The following GABRA3 variants were observed in gnomAD, a reference collection of about 807,000 sequenced individuals.
GABRA3 encodes the protein gamma-aminobutyric acid type A receptor subunit alpha3, also known as gamma-aminobutyric acid receptor subunit alpha-3.
GABRA3 carries 10 observed loss-of-function variants against 30.1 expected under a neutral mutation model. That is an observed-to-expected ratio of 0.33 (90% CI 0.20 to 0.56). The LOEUF is 0.56. GABRA3 is among the 20% of genes least tolerant of loss of function. GABRA3 has a pLI of 0.89. For synonymous variants in GABRA3, 151 were observed against 146.8 expected, an observed-to-expected ratio of 1.03 and a Z score of -0.21; for missense variants, 233 against 392.0, an observed-to-expected ratio of 0.59 and a Z score of 3.42.
intron 2 of GABRA3, among the ~76,000 whole-genome samples, chrX:152,355,369 A>G (rs895406830): frequency 9.0e-6 from 1 of 111,146 alleles, no homozygotes; most frequent in African/African-American, 3.3e-5. Context: ...CCATTGGCCT[A>G]TTGCTTCAAC....
intron 6 of GABRA3, among the ~76,000 whole-genome samples, chrX:152,209,394 A>G (rs1298705285): frequency 9.0e-6 from 1 of 111,405 alleles, no homozygotes; most frequent in African/African-American, 3.3e-5. Flanking sequence ...TACTTGCCCT[A>G]ACTCAGGCAC....
intron 7 of GABRA3, among the ~76,000 whole-genome samples, chrX:152,207,108 C>T (rs770537705): frequency 8.7e-4 from 97 of 111,548 alleles, no homozygotes; most frequent in African/African-American, 3.1e-3. Flanking sequence ...GCACCCTCCC[C>T]TGATTCTGAG....
intron 5 of GABRA3, among the ~76,000 whole-genome samples, chrX:152,241,972 G>A (rs1024387667): frequency 3.6e-5 from 4 of 111,670 alleles, no homozygotes; most frequent in African/African-American, 9.8e-5. Context: ...CTTCTGCGTC[G>A]CTCACGCTGG....
At chrX:152,317,059 C>T (rs1467462584) in intron 3 of GABRA3, among the ~76,000 whole-genome samples, 1 of 111,772 alleles carries the variant, frequency 8.9e-6, no homozygotes, top group Non-Finnish European at 1.9e-5. Context: ...TTAAAAGATA[C>T]AGAATTGAAA....
chrX:152,213,231 C>T (rs182843332), intron 6 of GABRA3, among the ~76,000 whole-genome samples: 2 of 111,732 alleles, frequency 1.8e-5, no homozygotes, highest in Non-Finnish European at 3.8e-5. Flanking sequence ...TTGTCAGAAA[C>T]CACTTGCTTA....
chrX:152,328,367 C>G (rs1016870620), intron 3 of GABRA3, among the ~76,000 whole-genome samples: 1 of 111,465 alleles, frequency 9.0e-6, no homozygotes, highest in Admixed American at 9.5e-5. Context: ...GCATCTTCCT[C>G]ATACCAAAGC....
chrX:152,333,146 T>C (rs1327361198), intron 3 of GABRA3, among the ~76,000 whole-genome samples: 1 of 111,644 alleles, frequency 9.0e-6, no homozygotes, highest in African/African-American at 3.3e-5. Flanking sequence ...CCAAAGCTTT[T>C]AGTGGATACA....
intron 4 of GABRA3, among the ~76,000 whole-genome samples, chrX:152,273,382 T>C (rs1291318621): frequency 2.7e-5 from 3 of 111,792 alleles, no homozygotes; most frequent in East Asian, 2.8e-4. Flanking sequence ...AGTATGGAGA[T>C]TCCTCAAAAT....
At chrX:152,322,844 C>CTTTTT (rs1172827692) in intron 3 of GABRA3, among the ~76,000 whole-genome samples, 4 of 61,261 alleles carry the variant, frequency 6.5e-5, no homozygotes, top group Non-Finnish European at 8.8e-5. Context: ...AAAGTCTACT[C>CTTTTT]TTTTTTTTTT....
intron 1 of GABRA3, among the ~76,000 whole-genome samples, chrX:152,371,223 A>G (rs1928830629): frequency 1.8e-5 from 2 of 111,180 alleles, no homozygotes; most frequent in African/African-American, 3.3e-5. Context: ...TCCCACTCTC[A>G]AGAGATAATA....
intron 1 of GABRA3, among the ~76,000 whole-genome samples, chrX:152,425,109 T>G (rs1930486373): frequency 9.4e-6 from 1 of 106,356 alleles, no homozygotes; most frequent in Non-Finnish European, 1.9e-5. Flanking sequence ...AGCTAAGGTT[T>G]TTTTTTTTGT....
At chrX:152,201,989 C>T (rs1168992277) in intron 7 of GABRA3, among the ~76,000 whole-genome samples, 5 of 112,391 alleles carry the variant, frequency 4.4e-5, no homozygotes, top group African/African-American at 1.6e-4. Flanking sequence ...AAGGATCATA[C>T]ATCCAAACTA....
intron 2 of GABRA3, among the ~76,000 whole-genome samples, chrX:152,348,708 G>A (rs757874587): frequency 2.0e-4 from 22 of 112,017 alleles, no homozygotes; most frequent in African/African-American, 5.8e-4. Flanking sequence ...TTGGTTTCCC[G>A]TGCATGTAAA....
chrX:152,200,112 A>G (rs1240418095), intron 7 of GABRA3, among the ~76,000 whole-genome samples: 1 of 111,964 alleles, frequency 8.9e-6, no homozygotes, highest in East Asian at 2.8e-4. Flanking sequence ...CTTCTGTTCA[A>G]AACTATCCAA....
At position 152,271,918 on chromosome X, in the gene GABRA3, C is replaced by G. The variant is rs186951167; in HGVS notation, c.330+12750G>C. Reference sequence around the variant, plus strand: ...ATGTGATGTTGAGCCTACAGGTGCACAGAAGTCAATAATTGAGGTTTGGGA... The same window carrying G: ...ATGTGATGTTGAGCCTACAGGTGCAGAGAAGTCAATAATTGAGGTTTGGGA... On this transcript the variant is annotated intron_variant, in intron 4 of 9. Coordinates refer to ENST00000370314, the MANE Select transcript of GABRA3 (RefSeq NM_000808.4). Among the ~76,000 whole-genome samples the G allele has an allele frequency of 4.5e-5, 5 of 112,012 alleles. No homozygotes were observed. The East Asian group carries it at 1.4e-3, about 32-fold the overall frequency.
Position 152,198,312 on chromosome X carries a change from G to A in GABRA3, c.779-527C>T, listed in dbSNP as rs761963114. Among the ~76,000 whole-genome samples, 5 of 111,972 alleles carry A rather than the reference G, an allele frequency of 4.5e-5. No homozygotes were observed. The East Asian group carries it at 1.1e-3, about 25-fold the overall frequency. On this transcript the variant is annotated intron_variant, in intron 7 of 9. Coordinates refer to ENST00000370314, the MANE Select transcript of GABRA3 (RefSeq NM_000808.4). The stretch of plus-strand genomic sequence containing the variant: ...TTATGCTTTTTAACCATTATGCTCC[G>A]CTGTTCTAATGTACTTACTTGGTTA...
At chrX:152,381,866 C>A (rs758306018) in intron 1 of GABRA3, among the ~76,000 whole-genome samples, 2 of 111,644 alleles carry the variant, frequency 1.8e-5, no homozygotes, top group South Asian at 7.5e-4. Flanking sequence ...TATGTCCCTG[C>A]AAAGGACATG....
chrX:152,415,313 A>G (rs1044330647), intron 1 of GABRA3, among the ~76,000 whole-genome samples: 6 of 111,321 alleles, frequency 5.4e-5, no homozygotes, highest in Non-Finnish European at 1.1e-4. Context: ...TGTAAACCTA[A>G]AACTACTCTA....
intron 1 of GABRA3, among the ~76,000 whole-genome samples, chrX:152,395,366 G>T (rs1242972618): frequency 9.0e-6 from 1 of 111,586 alleles, no homozygotes; most frequent in East Asian, 2.8e-4. Context: ...CACACAGAAG[G>T]AGATTATGTT....
Sources: allele counts gnomAD v4.1 joint callset (sites outside exome capture counted in the v4.1 genomes callset), GRCh38; gene constraint gnomAD v4.1.1; transcripts MANE v1.5; gene names NCBI Gene and HGNC (gene_info 2026-07-23, HGNC 2026-07-21).